Variants in TIMM23 observed in about 807,000 individuals in gnomAD.
TIMM23 encodes mitochondrial import inner membrane translocase subunit Tim23.
In TIMM23, 19 loss-of-function variants were observed where a neutral mutation model predicts 30.7. The ratio of observed to expected loss-of-function variants is 0.62; its 90% CI spans 0.43 to 0.91. The LOEUF (loss-of-function observed/expected upper bound fraction) is 0.91, where lower values mean the gene tolerates loss of function less well. Ranked by LOEUF, TIMM23 falls within the 40% of genes least tolerant of loss-of-function variation. TIMM23 has a pLI of 0.00. For missense variants in TIMM23, 202 were observed against 269.2 expected (o/e 0.75, Z 1.75); for synonymous variants, 78 against 98.5 (o/e 0.79, Z 1.23).
Position 45,992,836 on chromosome 10 carries a change from A to G in TIMM23, c.514+3989A>G, listed in dbSNP as rs370225498. Among the ~76,000 whole-genome samples the G allele has an allele frequency of 2.2e-3, 329 of 152,274 alleles. 1 individual carries two copies. The highest frequency in any genetic ancestry group is 7.0e-3 in the African/African-American group (291 of 41,568). ...CTCCCAAAGTGCTGGGATTACAGGC[A>G]TGAACCACCACGCCGGGCCAAGCCA... On this transcript the variant is annotated intron_variant, in intron 6 of 6. Transcript: ENST00000580018.
intron 6 of TIMM23, among the ~76,000 whole-genome samples, chr10:45,997,342 A>G (rs1838373424): frequency 6.7e-6 from 1 of 148,760 alleles, no homozygotes; most frequent in South Asian, 2.1e-4. Flanking sequence ...ATAAAAAAAA[A>G]TGGTGTGATT....
chr10:45,976,875 C>T (rs1168588841), intron 2 of TIMM23, among the ~76,000 whole-genome samples: 1 of 152,146 alleles, frequency 6.6e-6, no homozygotes, highest in Non-Finnish European at 1.5e-5. Context: ...TAGAAAATCA[C>T]AAGGGAAATC....
rs1166285713 is a variant in TIMM23, at chr10:45,972,595, G to T, written c.-30G>T. The T allele has an allele frequency of 6.3e-7, 1 of 1,591,754 alleles. No homozygotes were observed. The highest frequency in any genetic ancestry group is 8.6e-7 in the Non-Finnish European group (1 of 1,164,818). On this transcript the variant is annotated 5_prime_UTR_variant, in exon 1 of 7. Coordinates refer to ENST00000580018, the MANE Select transcript of TIMM23 (RefSeq NM_006327.4). ...GCGGACCACCCAGGCTTGAGGCAGC[G>T]GCGGGAACCACTCGGTTTGCTGCGA...
rs781917713 is a variant in TIMM23, at chr10:46,003,392, TTC to T, written c.*82_*83del. On this transcript the variant is annotated 3_prime_UTR_variant, in exon 7 of 7. Coordinates refer to ENST00000580018, the MANE Select transcript of TIMM23 (RefSeq NM_006327.4). ...CCTTTTATAAGACAGTTTGGAGTTA[TTC>T]TCTCTCTTCTACCTACAATTAGTTT... 1.1e-5 allele frequency: 11 copies of T among 1,012,700 alleles called. No homozygotes were observed. The highest frequency in any genetic ancestry group is 7.5e-5 in the East Asian group (3 of 40,116). The allele number at this position is 1,012,700 out of a possible 1,614,324, so 62.7% of individuals were successfully genotyped here. A position where few individuals can be genotyped will look rare whatever the true frequency, so the allele number is the denominator to read the frequency against.
chr10:45,979,050 G>A (rs1378464739), intron 2 of TIMM23, among the ~76,000 whole-genome samples: 9 of 152,178 alleles, frequency 5.9e-5, no homozygotes, highest in Non-Finnish European at 1.3e-4. Context: ...ATATTGTGTG[G>A]TTCCATTTAT....
chr10:45,972,846 T>G (rs2132234422), intron 1 of TIMM23, 116 bp downstream of exon 1: 2 of 1,534,942 alleles, frequency 1.3e-6, no homozygotes, highest in East Asian at 4.9e-5. Flanking sequence ...TTTACAAGCT[T>G]AAGTACCAGT....
intron 1 of TIMM23, among the ~76,000 whole-genome samples, chr10:45,974,988 G>T (rs1205659867): frequency 6.6e-6 from 1 of 151,854 alleles, no homozygotes; most frequent in Non-Finnish European, 1.5e-5. Flanking sequence ...ATCGTTAATA[G>T]TAATATGTGA....
chr10:45,986,652 A>G (rs1338748661), intron 5 of TIMM23, among the ~76,000 whole-genome samples: 1 of 152,206 alleles, frequency 6.6e-6, no homozygotes, highest in African/African-American at 2.4e-5. Flanking sequence ...AAAGAGTTTA[A>G]AAGTTTAACA....
chr10:45,998,057 C>G (rs1838401049), intron 6 of TIMM23, among the ~76,000 whole-genome samples: 1 of 152,138 alleles, frequency 6.6e-6, no homozygotes, highest in Admixed American at 6.5e-5. Flanking sequence ...GCCACCAACT[C>G]CTGCTGGCCA....
chr10:45,977,573 A>C (rs1202453279), intron 2 of TIMM23, among the ~76,000 whole-genome samples: 12 of 152,252 alleles, frequency 7.9e-5, no homozygotes, highest in Non-Finnish European at 1.8e-4. Flanking sequence ...CTTAAATGTA[A>C]ACTAAAGCAG....
intron 5 of TIMM23, among the ~76,000 whole-genome samples, chr10:45,987,615 A>ATTTTTTTTTTTTTTTTTTTTTT (rs781826848): frequency 6.3e-5 from 5 of 79,144 alleles, no homozygotes; most frequent in Admixed American, 1.5e-4. Context: ...TATTATAAAG[A>ATTTTTTTTTTTTTTTTTTTTTT]TTTTTTTTTT....
chr10:45,997,939 A>G (rs981712921), intron 6 of TIMM23, among the ~76,000 whole-genome samples: 1 of 152,204 alleles, frequency 6.6e-6, no homozygotes, highest in Non-Finnish European at 1.5e-5. Flanking sequence ...CATAATTCTT[A>G]AAAGAATAAA....
intron 6 of TIMM23, among the ~76,000 whole-genome samples, chr10:45,990,499 G>C (rs1182651220): frequency 1.4e-4 from 21 of 151,138 alleles, no homozygotes; most frequent in African/African-American, 5.1e-4. Context: ...AAGGCTCACT[G>C]TAGCCTTGAC....
At chr10:45,996,836 G>A (rs1396187076) in intron 6 of TIMM23, among the ~76,000 whole-genome samples, 1 of 151,790 alleles carries the variant, frequency 6.6e-6, no homozygotes, top group Non-Finnish European at 1.5e-5. Context: ...TTGGTGGTGG[G>A]CACCTGTAGT....
chr10:45,992,212 C>T (rs1454454158), intron 6 of TIMM23, among the ~76,000 whole-genome samples: 1 of 152,206 alleles, frequency 6.6e-6, no homozygotes, highest in African/African-American at 2.4e-5. Context: ...AATCCTCCCA[C>T]CTCAGCCTCC....
chr10:45,999,406 A>G (rs906028556), intron 6 of TIMM23, among the ~76,000 whole-genome samples: 6 of 152,158 alleles, frequency 3.9e-5, no homozygotes, highest in Admixed American at 1.3e-4. Flanking sequence ...AGCTTGAGAA[A>G]TAAAGGGACA....
chr10:45,986,859 T>C (rs1838007574), intron 5 of TIMM23, among the ~76,000 whole-genome samples: 1 of 152,098 alleles, frequency 6.6e-6, no homozygotes, highest in African/African-American at 2.4e-5. Context: ...ATAGCAATTA[T>C]GGGTAGCATA....
chr10:45,996,027 G>C (rs1838317832), intron 6 of TIMM23, among the ~76,000 whole-genome samples: 1 of 149,612 alleles, frequency 6.7e-6, no homozygotes, highest in African/African-American at 2.6e-5. Context: ...CCTTTCGGAG[G>C]CAAGAATATA....
At position 45,992,707 on chromosome 10, in the gene TIMM23, G is replaced by A. The variant is rs1349478718; in HGVS notation, c.514+3860G>A. On this transcript the variant is annotated intron_variant, in intron 6 of 6. Coordinates refer to ENST00000580018, the MANE Select transcript of TIMM23 (RefSeq NM_006327.4). ...CAAGTAGCTGGGATTACAGATGCCC[G>A]CCACCACGCCCAGCTAATTTTTGTA... The A allele has an allele frequency of 1.1e-4, 40 of 363,802 alleles. 1 individual carries two copies. Among genetic ancestry groups the A allele is most frequent in the South Asian group, 5.7e-4 (27 of 47,150 alleles). The allele number at this position is 363,802 out of a possible 1,614,324, so 22.5% of individuals were successfully genotyped here. A position where few individuals can be genotyped will look rare whatever the true frequency, so the allele number is the denominator to read the frequency against.
Sources: gnomAD v4.1 joint callset for allele counts (sites outside exome capture counted in the v4.1 genomes callset) on GRCh38, gnomAD v4.1.1 for gene constraint, MANE v1.5 for transcripts, NCBI Gene and HGNC (gene_info 2026-07-23, HGNC 2026-07-21) for gene names.